Variants in HYCC1 observed in about 807,000 individuals in gnomAD.
The protein encoded by HYCC1 is hyccin.
At chr7:22,961,291 C>T in the HYCC1 span, 11 of 1,604,402 alleles carry the variant, frequency 6.9e-6, no homozygotes, top group African/African-American at 1.1e-4. Flanking sequence ...TCATCCAGTG[C>T]TTTTTGAGCT....
chr7:22,901,674 A>C, the HYCC1 span, among the ~76,000 whole-genome samples: 1 of 152,278 alleles, frequency 6.6e-6, no homozygotes, highest in Non-Finnish European at 1.5e-5. Context: ...CAAGAATATT[A>C]CCAGAGATAA....
At chr7:22,899,363 C>CA in the HYCC1 span, among the ~76,000 whole-genome samples, 75 of 151,936 alleles carry the variant, frequency 4.9e-4, no homozygotes, top group African/African-American at 1.4e-3. Context: ...AGGAAATATC[C>CA]AAAAAATGGA....
the HYCC1 span, among the ~76,000 whole-genome samples, chr7:22,969,560 GC>G: frequency 2.0e-4 from 29 of 148,050 alleles, no homozygotes; most frequent in East Asian, 4.9e-3. Flanking sequence ...TCACTCTGTC[GC>G]CCAGGCTGGA....
the HYCC1 span, among the ~76,000 whole-genome samples, chr7:22,926,193 G>A: frequency 6.6e-6 from 1 of 151,960 alleles, no homozygotes; most frequent in African/African-American, 2.4e-5. Context: ...CACTAAACAT[G>A]GAAAGGAACA....
At chr7:22,927,290 A>T in the HYCC1 span, among the ~76,000 whole-genome samples, 1 of 152,190 alleles carries the variant, frequency 6.6e-6, no homozygotes, top group African/African-American at 2.4e-5. Flanking sequence ...AGCAAGAGCA[A>T]ACACATTCAA....
At chr7:22,958,383 G>C in the HYCC1 span, among the ~76,000 whole-genome samples, 5 of 152,070 alleles carry the variant, frequency 3.3e-5, no homozygotes, top group Non-Finnish European at 5.9e-5. Context: ...TTCTGTACCT[G>C]TTCCATGCAT....
chr7:23,006,237 A>G, the HYCC1 span, among the ~76,000 whole-genome samples: 2 of 152,148 alleles, frequency 1.3e-5, no homozygotes. Flanking sequence ...AAAGATAAAT[A>G]TAGAGTTTAT....
At chr7:22,989,816 A>G in the HYCC1 span, among the ~76,000 whole-genome samples, 1 of 152,222 alleles carries the variant, frequency 6.6e-6, no homozygotes, top group Non-Finnish European at 1.5e-5. Context: ...AAAGAGACAG[A>G]TAAGGCCAGC....
the HYCC1 span, among the ~76,000 whole-genome samples, chr7:22,918,594 T>C: frequency 6.6e-6 from 1 of 152,176 alleles, no homozygotes; most frequent in Non-Finnish European, 1.5e-5. Flanking sequence ...TACATCCAGA[T>C]GGCCTGAAGC....
At chr7:22,896,450 C>A in the HYCC1 span, among the ~76,000 whole-genome samples, 1 of 152,162 alleles carries the variant, frequency 6.6e-6, no homozygotes, top group African/African-American at 2.4e-5. Context: ...TTGCATGATT[C>A]CTACATATGA....
the HYCC1 span, among the ~76,000 whole-genome samples, chr7:22,951,021 C>T: frequency 6.6e-6 from 1 of 151,868 alleles, no homozygotes; most frequent in Admixed American, 6.6e-5. Flanking sequence ...AAACTCTCCA[C>T]ATGTAGAAAT....
the HYCC1 span, among the ~76,000 whole-genome samples, chr7:22,968,283 C>T: frequency 6.3e-4 from 96 of 152,146 alleles, 1 homozygote; most frequent in Non-Finnish European, 1.0e-3. Flanking sequence ...TGTCATACCC[C>T]TAAAAAGCAG....
At chr7:22,992,042 G>A in the HYCC1 span, among the ~76,000 whole-genome samples, 6 of 151,914 alleles carry the variant, frequency 3.9e-5, no homozygotes, top group Admixed American at 2.0e-4. Context: ...GTACCTATTT[G>A]CAAGGAGTTA....
the HYCC1 span, among the ~76,000 whole-genome samples, chr7:22,905,909 G>C: frequency 6.6e-6 from 1 of 152,186 alleles, no homozygotes; most frequent in South Asian, 2.1e-4. Flanking sequence ...TGTTGTGTGA[G>C]AAGATGAAGT....
chr7:22,978,925 T>C, the HYCC1 span, among the ~76,000 whole-genome samples: 3 of 152,196 alleles, frequency 2.0e-5, no homozygotes, highest in Non-Finnish European at 4.4e-5. Flanking sequence ...TAGAGCTGAC[T>C]GTATCTTTAT....
At chr7:22,990,967 T>C in the HYCC1 span, 1 of 819,912 alleles carries the variant, frequency 1.2e-6, no homozygotes, top group Non-Finnish European at 2.1e-6. Context: ...ATATTTAGCC[T>C]TTCAGTCATA....
At chr7:22,928,088 A>G in the HYCC1 span, among the ~76,000 whole-genome samples, 1 of 152,232 alleles carries the variant, frequency 6.6e-6, no homozygotes, top group South Asian at 2.1e-4. Flanking sequence ...CAAAAACCAC[A>G]TGATTATCTC....
At chr7:23,000,180 T>G in the HYCC1 span, among the ~76,000 whole-genome samples, 1 of 152,106 alleles carries the variant, frequency 6.6e-6, no homozygotes, top group Middle Eastern at 3.2e-3. Flanking sequence ...ACTGCTGCTA[T>G]CCCACTCTTC....
the HYCC1 span, among the ~76,000 whole-genome samples, chr7:22,923,995 GA>G: frequency 0.28 from 32,277 of 114,326 alleles, 4,042 homozygotes; most frequent in Admixed American, 0.35. Flanking sequence ...TGACTTTAAT[GA>G]AAAAAAAAAA....
Sources: gnomAD v4.1 joint callset for allele counts (sites outside exome capture counted in the v4.1 genomes callset) on GRCh38, gnomAD v4.1.1 for gene constraint, MANE v1.5 for transcripts, NCBI Gene and HGNC (gene_info 2026-07-23, HGNC 2026-07-21) for gene names.